The following ZNF804A variants were observed in gnomAD, a reference collection of about 807,000 sequenced individuals.
ZNF804A encodes zinc finger protein 804A.
Under a neutral mutation model 16.5 loss-of-function variants are expected in ZNF804A, and 2 were observed. The observed-to-expected ratio is 0.12, with a 90% CI of 0.05 to 0.38. The LOEUF (loss-of-function observed/expected upper bound fraction) is 0.38, where lower values mean the gene tolerates loss of function less well. ZNF804A is among the 10% of genes least tolerant of loss of function. The pLI is 0.99. For missense variants in ZNF804A, 1,473 were observed against 1,390.7 expected (o/e 1.06, Z -0.94); for synonymous variants, 534 against 489.6 (o/e 1.09, Z -1.20).
chr2:184,611,323 C>T (rs722385), intron 1 of ZNF804A, among the ~76,000 whole-genome samples: 16,544 of 151,954 alleles, frequency 0.11, 1,167 homozygotes, highest in Non-Finnish European at 0.16. Context: ...TTAGCTTACC[C>T]GTGGCATTTC....
At chr2:184,782,447 C>T (rs1408383816) in intron 1 of ZNF804A, among the ~76,000 whole-genome samples, 1 of 151,194 alleles carries the variant, frequency 6.6e-6, no homozygotes, top group African/African-American at 2.4e-5. Flanking sequence ...AACAAATAAA[C>T]AAAACAACAA....
At chr2:184,863,251 T>C (rs1695826620) in intron 1 of ZNF804A, among the ~76,000 whole-genome samples, 1 of 152,142 alleles carries the variant, frequency 6.6e-6, no homozygotes, top group Non-Finnish European at 1.5e-5. Context: ...CATTATATCC[T>C]GGAGCTACTT....
chr2:184,816,968 G>A (rs1318979912), intron 1 of ZNF804A, among the ~76,000 whole-genome samples: 1 of 151,934 alleles, frequency 6.6e-6, no homozygotes, highest in Non-Finnish European at 1.5e-5. Flanking sequence ...TATATCTTAA[G>A]TACTTCAGCC....
chr2:184,921,684 A>G (rs1294928996), intron 2 of ZNF804A, among the ~76,000 whole-genome samples: 1 of 152,104 alleles, frequency 6.6e-6, no homozygotes, highest in Non-Finnish European at 1.5e-5. Flanking sequence ...TTTTTCTGCT[A>G]TAGTCACCTT....
At chr2:184,910,029 G>A (rs1344066783) in intron 2 of ZNF804A, among the ~76,000 whole-genome samples, 5 of 151,930 alleles carry the variant, frequency 3.3e-5, no homozygotes, top group Non-Finnish European at 5.9e-5. Flanking sequence ...TCAGGGGGTA[G>A]ATGTATTTAG....
At chr2:184,832,180 A>C (rs1170606599) in intron 1 of ZNF804A, among the ~76,000 whole-genome samples, 1 of 152,002 alleles carries the variant, frequency 6.6e-6, no homozygotes, top group African/African-American at 2.4e-5. Context: ...ATAAGAAGCT[A>C]TCGAAGGCCT....
At chr2:184,759,224 A>T (rs1694004230) in intron 1 of ZNF804A, among the ~76,000 whole-genome samples, 1 of 151,788 alleles carries the variant, frequency 6.6e-6, no homozygotes, top group South Asian at 2.1e-4. Flanking sequence ...TTGAAAAAAA[A>T]ATATGGACAC....
At chr2:184,757,894 G>A (rs1693983066) in intron 1 of ZNF804A, among the ~76,000 whole-genome samples, 1 of 151,972 alleles carries the variant, frequency 6.6e-6, no homozygotes, top group Admixed American at 6.6e-5. Context: ...GTCTTTTCCT[G>A]TTTGGAGTTT....
intron 1 of ZNF804A, among the ~76,000 whole-genome samples, chr2:184,866,055 C>A (rs1695873361): frequency 6.6e-6 from 1 of 152,094 alleles, no homozygotes; most frequent in South Asian, 2.1e-4. Context: ...ATCAAGATAG[C>A]TATGTGATTT....
At chr2:184,784,217 A>G (rs758664274) in intron 1 of ZNF804A, among the ~76,000 whole-genome samples, 5 of 151,884 alleles carry the variant, frequency 3.3e-5, no homozygotes, top group Admixed American at 6.6e-5. Context: ...ACAATCTTCA[A>G]CTGATGGCTC....
intron 1 of ZNF804A, among the ~76,000 whole-genome samples, chr2:184,706,855 C>A (rs1028646208): frequency 2.6e-5 from 4 of 152,144 alleles, no homozygotes; most frequent in African/African-American, 9.7e-5. Flanking sequence ...TACTGATGAG[C>A]ATTTACTACT....
At chr2:184,724,746 G>A (rs2105744318) in intron 1 of ZNF804A, among the ~76,000 whole-genome samples, 1 of 151,742 alleles carries the variant, frequency 6.6e-6, no homozygotes, top group Admixed American at 6.6e-5. Flanking sequence ...TGAATTACAA[G>A]GCAATTAAAG....
chr2:184,839,119 GA>G (rs751815418), intron 1 of ZNF804A, among the ~76,000 whole-genome samples: 64 of 152,072 alleles, frequency 4.2e-4, no homozygotes, highest in South Asian at 6.2e-4. Flanking sequence ...GAAGTACTTT[GA>G]AAGACAAAGA....
chr2:184,771,697 C>T (rs1283849447), intron 1 of ZNF804A, among the ~76,000 whole-genome samples: 1 of 151,970 alleles, frequency 6.6e-6, no homozygotes, highest in African/African-American at 2.4e-5. Context: ...GAATTCACTA[C>T]CTTATTGTTA....
intron 1 of ZNF804A, among the ~76,000 whole-genome samples, chr2:184,684,511 C>T (rs760850172): frequency 3.0e-4 from 45 of 152,094 alleles, no homozygotes; most frequent in Non-Finnish European, 2.5e-4. Context: ...GAGTATTTTT[C>T]GAGAGAATAT....
intron 1 of ZNF804A, among the ~76,000 whole-genome samples, chr2:184,729,617 A>T (rs1356718918): frequency 6.6e-6 from 1 of 152,172 alleles, no homozygotes; most frequent in Non-Finnish European, 1.5e-5. Flanking sequence ...TGCAAAGTGA[A>T]CAAAAAAATA....
chr2:184,857,478 T>G (rs1310022353), intron 1 of ZNF804A, among the ~76,000 whole-genome samples: 1 of 152,138 alleles, frequency 6.6e-6, no homozygotes, highest in Non-Finnish European at 1.5e-5. Context: ...ACTCCGTACA[T>G]GTTGGTTAGG....
intron 1 of ZNF804A, among the ~76,000 whole-genome samples, chr2:184,621,805 C>T (rs974189399): frequency 6.6e-6 from 1 of 151,622 alleles, no homozygotes; most frequent in Non-Finnish European, 1.5e-5. Context: ...AATGCTTGTA[C>T]CTATTTTCTT....
chr2:184,720,329 T>C (rs1016824604), intron 1 of ZNF804A, among the ~76,000 whole-genome samples: 3 of 152,200 alleles, frequency 2.0e-5, no homozygotes, highest in African/African-American at 7.2e-5. Flanking sequence ...ATTGTTCCTT[T>C]TTACTTATGA....
Sources: gnomAD v4.1 joint callset for allele counts (sites outside exome capture counted in the v4.1 genomes callset) on GRCh38, gnomAD v4.1.1 for gene constraint, MANE v1.5 for transcripts, NCBI Gene and HGNC (gene_info 2026-07-23, HGNC 2026-07-21) for gene names.